PAK1: variants seen among roughly 807,000 people sequenced by gnomAD.
PAK1 encodes the protein p21 (RAC1) activated kinase 1.
Under a neutral mutation model 67.4 loss-of-function variants are expected in PAK1, and 29 were observed. The ratio of observed to expected loss-of-function variants is 0.43; its 90% CI spans 0.32 to 0.59. PAK1 has a LOEUF of 0.59. Ranked by LOEUF, PAK1 falls within the 20% of genes least tolerant of loss-of-function variation. PAK1 has a pLI of 0.07. For synonymous variants in PAK1, 223 were observed against 237.4 expected (o/e 0.94, Z 0.56); for missense variants, 337 against 670.7 (o/e 0.50, Z 5.50).
intron 13 of PAK1, among the ~76,000 whole-genome samples, chr11:77,334,206 AT>A (rs747723735): frequency 4.0e-5 from 6 of 151,138 alleles, no homozygotes; most frequent in Non-Finnish European, 8.8e-5. Context: ...AAATAAAAAA[AT>A]ATGCCTATGT....
At chr11:77,505,165 G>T in the PAK1 span, among the ~76,000 whole-genome samples, 1 of 151,674 alleles carries the variant, frequency 6.6e-6, no homozygotes, top group Non-Finnish European at 1.5e-5. Context: ...TCACAGTGTT[G>T]TGCAACCATT....
At chr11:77,495,111 A>G in the PAK1 span, among the ~76,000 whole-genome samples, 1 of 151,790 alleles carries the variant, frequency 6.6e-6, no homozygotes, top group African/African-American at 2.4e-5. Context: ...GCAGAGATCC[A>G]AGACCACGCC....
chr11:77,363,617 A>C (rs1462475468), intron 5 of PAK1, among the ~76,000 whole-genome samples: 1 of 152,208 alleles, frequency 6.6e-6, no homozygotes, highest in Non-Finnish European at 1.5e-5. Flanking sequence ...TTGGGACCCC[A>C]GTCTTGCCTT....
chr11:77,330,321 C>T (rs1261200556), intron 14 of PAK1, among the ~76,000 whole-genome samples: 12 of 152,150 alleles, frequency 7.9e-5, no homozygotes, highest in South Asian at 2.1e-4. Flanking sequence ...GAGCCCGCAT[C>T]GCCGAGTCAA....
the PAK1 span, among the ~76,000 whole-genome samples, chr11:77,483,400 C>T: frequency 1.2e-4 from 19 of 152,248 alleles, no homozygotes; most frequent in East Asian, 3.5e-3. Context: ...TTATAGGGCT[C>T]TTTAAAAATT....
chr11:77,493,437 C>G, the PAK1 span, among the ~76,000 whole-genome samples: 3 of 146,168 alleles, frequency 2.1e-5, no homozygotes, highest in African/African-American at 5.2e-5. Flanking sequence ...CACCACCATG[C>G]CCAGCTAATT....
At chr11:77,325,226 A>C in intron 14 of PAK1, 1 of 1,430,266 alleles carries the variant, frequency 7.0e-7, no homozygotes, top group Non-Finnish European at 9.7e-7. Context: ...ATGAGCCCTA[A>C]GGGCTTCCAG....
intron 12 of PAK1, among the ~76,000 whole-genome samples, chr11:77,336,856 T>C (rs998905208): frequency 6.6e-5 from 10 of 152,058 alleles, no homozygotes; most frequent in African/African-American, 1.9e-4. Context: ...TATATTGCAA[T>C]TATAAATTTA....
chr11:77,498,708 T>C, the PAK1 span, among the ~76,000 whole-genome samples: 1 of 137,314 alleles, frequency 7.3e-6, no homozygotes, highest in Non-Finnish European at 1.6e-5. Flanking sequence ...TTTTTTTTTT[T>C]TTTTTTTTTT....
intron 9 of PAK1, among the ~76,000 whole-genome samples, chr11:77,344,410 C>T (rs149956988): frequency 5.9e-5 from 9 of 152,038 alleles, no homozygotes; most frequent in Non-Finnish European, 8.8e-5. Flanking sequence ...CTGAACCTGG[C>T]GTAGAAAGAT....
chr11:77,437,618 C>G (rs111470645), intron 1 of PAK1, among the ~76,000 whole-genome samples: 2,338 of 152,226 alleles, frequency 0.015, 51 homozygotes, highest in African/African-American at 0.054. Flanking sequence ...CTACCGGCAT[C>G]TAGCAGGCAG....
intron 1 of PAK1, among the ~76,000 whole-genome samples, chr11:77,448,600 T>C (rs928228503): frequency 5.9e-5 from 9 of 152,134 alleles, no homozygotes; most frequent in African/African-American, 2.2e-4. Context: ...GGTTGTTGAG[T>C]GTAAGGACAG....
intron 1 of PAK1, among the ~76,000 whole-genome samples, chr11:77,393,826 A>C (rs1951476153): frequency 6.6e-6 from 1 of 152,110 alleles, no homozygotes; most frequent in Non-Finnish European, 1.5e-5. Context: ...AATATGTTGA[A>C]ACCCCCTCTC....
chr11:77,387,104 A>C (rs1193629857), intron 2 of PAK1, among the ~76,000 whole-genome samples: 2 of 102,496 alleles, frequency 2.0e-5, no homozygotes, highest in African/African-American at 4.0e-5. Context: ...ATGGAGTTTC[A>C]CTCTGTTACC....
chr11:77,323,614 A>G (rs1271805014), intron 14 of PAK1, among the ~76,000 whole-genome samples: 1 of 152,252 alleles, frequency 6.6e-6, no homozygotes, highest in Non-Finnish European at 1.5e-5. Flanking sequence ...ATTAGTTTGT[A>G]TAGCCACCAA....
intron 9 of PAK1, among the ~76,000 whole-genome samples, chr11:77,348,749 C>T (rs926010245): frequency 1.3e-5 from 2 of 152,226 alleles, no homozygotes; most frequent in Non-Finnish European, 2.9e-5. Flanking sequence ...TTCCCTCCAT[C>T]TAACTATTTC....
chr11:77,444,125 G>A (rs559540468), intron 1 of PAK1, among the ~76,000 whole-genome samples: 8 of 152,092 alleles, frequency 5.3e-5, no homozygotes, highest in Admixed American at 2.0e-4. Flanking sequence ...TTTATTCTCA[G>A]ACATAATATA....
chr11:77,421,999 A>C (rs1401759001), intron 1 of PAK1, among the ~76,000 whole-genome samples: 2 of 152,146 alleles, frequency 1.3e-5, no homozygotes, highest in African/African-American at 4.8e-5. Flanking sequence ...AAATGTCACC[A>C]CTTCTATGAA....
chr11:77,439,466 C>T (rs1316115264), intron 1 of PAK1, among the ~76,000 whole-genome samples: 2 of 152,184 alleles, frequency 1.3e-5, no homozygotes, highest in Non-Finnish European at 2.9e-5. Flanking sequence ...TGGAAAACTA[C>T]CTGGCAGGAA....
Sources: gnomAD v4.1 joint callset for allele counts (sites outside exome capture counted in the v4.1 genomes callset) on GRCh38, gnomAD v4.1.1 for gene constraint, MANE v1.5 for transcripts, NCBI Gene and HGNC (gene_info 2026-07-23, HGNC 2026-07-21) for gene names.